Variants in ITPR2 observed in about 807,000 individuals in gnomAD.
ITPR2 encodes the protein inositol 1,4,5-trisphosphate-gated calcium channel ITPR2.
ITPR2 carries 207 observed loss-of-function variants against 317.1 expected under a neutral mutation model. The observed-to-expected ratio is 0.65, with a 90% confidence interval of 0.58 to 0.73. The LOEUF (loss-of-function observed/expected upper bound fraction) is 0.73. Among genes scored for constraint, ITPR2 ranks in the 30% least tolerant of loss-of-function variants. ITPR2 has a pLI of 0.00. For synonymous variants in ITPR2, 1,156 were observed against 1,149.1 expected, an observed-to-expected ratio of 1.01 and a Z score of -0.12; for missense variants, 2,613 against 3,284.0, an observed-to-expected ratio of 0.80 and a Z score of 4.99.
intron 37 of ITPR2, among the ~76,000 whole-genome samples, chr12:26,516,245 A>AGGAAAGGAAAGGAAAGGAAG (rs1943493018): frequency 3.4e-5 from 1 of 29,024 alleles, no homozygotes; most frequent in African/African-American, 1.0e-4. Flanking sequence ...AGGAAAGGAA[A>AGGAAAGGAAAGGAAAGGAAG]GGAAAGGAAA....
At chr12:26,698,940 T>C (rs1222731581) in intron 9 of ITPR2, among the ~76,000 whole-genome samples, 1 of 151,880 alleles carries the variant, frequency 6.6e-6, no homozygotes, top group African/African-American at 2.4e-5. Context: ...TCTATTTTAG[T>C]CAAGTTTCAC....
chr12:26,607,063 T>C (rs918730055), intron 26 of ITPR2, among the ~76,000 whole-genome samples: 10 of 152,236 alleles, frequency 6.6e-5, no homozygotes, highest in African/African-American at 2.4e-4. Flanking sequence ...TGCAGCTGCA[T>C]GATTAAAATA....
chr12:26,617,898 G>A (rs1946407688), intron 26 of ITPR2, among the ~76,000 whole-genome samples: 1 of 152,084 alleles, frequency 6.6e-6, no homozygotes, highest in African/African-American at 2.4e-5. Flanking sequence ...ATCTAGCAAT[G>A]TAAAAACAAA....
intron 23 of ITPR2, among the ~76,000 whole-genome samples, chr12:26,626,894 C>T (rs982715338): frequency 2.6e-5 from 4 of 152,134 alleles, no homozygotes; most frequent in Non-Finnish European, 4.4e-5. Flanking sequence ...TTCCATTAGC[C>T]GGCTAAATCT....
rs763302381 is a variant in ITPR2, at chr12:26,443,536, T to A, written c.6450+7A>T. On this transcript the variant is annotated splice_region_variant and intron_variant, in intron 46 of 56. Coordinates refer to ENST00000381340, the MANE Select transcript of ITPR2 (RefSeq NM_002223.4). ...TTGGTCTCTTTCAATAAATAATAGA[T>A]GGTTACCTCAATCTGTGCAGTGTGG... 5 of 1,592,636 alleles carry A rather than the reference T, an allele frequency of 3.1e-6. No homozygotes were observed. Among genetic ancestry groups the A allele is most frequent in the Non-Finnish European group, 4.3e-6 (5 of 1,162,156 alleles).
At chr12:26,736,790 A>G (rs1050790376) in intron 2 of ITPR2, among the ~76,000 whole-genome samples, 1 of 152,218 alleles carries the variant, frequency 6.6e-6, no homozygotes, top group South Asian at 2.1e-4. Context: ...CCTCAAACAG[A>G]GGAAGAAGGA....
chr12:26,715,239 C>T (rs1948716636), intron 8 of ITPR2, 60 bp downstream of exon 8: 1 of 1,402,022 alleles, frequency 7.1e-7, no homozygotes, highest in Non-Finnish European at 9.9e-7. Flanking sequence ...AACAACAAGC[C>T]CAGTGAATCT....
intron 37 of ITPR2, among the ~76,000 whole-genome samples, chr12:26,495,872 C>T (rs1942920682): frequency 6.6e-6 from 1 of 152,112 alleles, no homozygotes; most frequent in South Asian, 2.1e-4. Context: ...AAAAAATTAA[C>T]CTTGATAAAA....
At position 26,596,902 on chromosome 12, in the gene ITPR2, T is replaced by C; in HGVS notation, c.4235A>G (p.His1412Arg). 3 of 1,556,642 alleles carry C rather than the reference T, an allele frequency of 1.9e-6. No homozygotes were observed. The highest frequency in any genetic ancestry group is 2.6e-6 in the Non-Finnish European group (3 of 1,150,730). The change falls in exon 31 of 57, where the codon CAT (histidine) becomes CGT (arginine). Residue 1412 changes from histidine to arginine, a missense_variant. This residue lies in a region of ITPR2 where 926 missense variants were observed against 1,072.8 expected (regional missense o/e 0.86). Coordinates refer to ENST00000381340, the MANE Select transcript of ITPR2 (RefSeq NM_002223.4). ...PLDDIVRVVTHDDCIPEVKIA... is the reference protein window; with the variant it reads ...PLDDIVRVVTRDDCIPEVKIA... ...GCTTACCTCAGGGATGCAGTCGTCA[T>C]GGGTCACCACCCTCACTATGTCGTC...
At chr12:26,797,111 T>A (rs61920590) in intron 1 of ITPR2, among the ~76,000 whole-genome samples, 24,487 of 152,088 alleles carry the variant, frequency 0.16, 2,713 homozygotes, top group Non-Finnish European at 0.24. Flanking sequence ...GAATAAATTG[T>A]ACTGCATGCA....
Position 26,818,664 on chromosome 12 carries a change from C to A in ITPR2, c.92+14026G>T, listed in dbSNP as rs148176459. 7.8e-4 allele frequency among the ~76,000 whole-genome samples: 118 copies of A among 152,208 alleles called. 1 individual carries two copies. The highest frequency in any genetic ancestry group is 2.7e-3 in the African/African-American group (112 of 41,544). On this transcript the variant is annotated intron_variant, in intron 1 of 56. Coordinates refer to ENST00000381340, the MANE Select transcript of ITPR2 (RefSeq NM_002223.4). ...GTCACTTAATATTTATCATTCCTAG[C>A]CACAAGTATAGGACTCTGAGTACAA...
chr12:26,668,821 T>C (rs1357414403), intron 13 of ITPR2, among the ~76,000 whole-genome samples: 1 of 150,550 alleles, frequency 6.6e-6, no homozygotes, highest in African/African-American at 2.4e-5. Flanking sequence ...AAAAAAAATC[T>C]GAGAGATAAA....
chr12:26,661,269 T>TGGG (rs1332276817), intron 15 of ITPR2, among the ~76,000 whole-genome samples: 1 of 6,748 alleles, frequency 1.5e-4, no homozygotes, highest in Non-Finnish European at 2.5e-4. Flanking sequence ...GGTAGGGGTG[T>TGGG]GTGTGTGGGG....
At position 26,722,499 on chromosome 12, in the gene ITPR2, T is replaced by G. The variant is rs369678294; in HGVS notation, c.423A>C (p.Leu141Phe). The G allele has an allele frequency of 2.5e-6, 4 of 1,613,160 alleles. No individual in the cohort carries two copies. In the African/African-American group the frequency reaches 5.3e-5, roughly 22 times the overall value. ...YLTVNKRLPA[L>F]LEKNAMRVSL... ...ACACACGCATGGCATTCTTCTCCAGTAAAGCAGGTAATCTCTTGTTGACAG... is the reference window on the plus strand; with the variant it reads ...ACACACGCATGGCATTCTTCTCCAGGAAAGCAGGTAATCTCTTGTTGACAG... The change falls in exon 5 of 57, where the codon TTA (leucine) becomes TTC (phenylalanine). Residue 141 changes from leucine to phenylalanine, a missense_variant. By Grantham distance (22) the Leu-to-Phe change is conservative. Coordinates refer to ENST00000381340, the MANE Select transcript of ITPR2 (RefSeq NM_002223.4).
At position 26,715,430 on chromosome 12, in the gene ITPR2, A is replaced by G. The variant is rs1240740367; in HGVS notation, c.724T>C (p.Leu242=). The change falls in exon 8 of 57, where the codon TTA becomes CTA. Residue 242 remains leucine (L), a synonymous_variant. Transcript: ENST00000381340. ...DVLKGGDVVR[L]FHAEQEKFLT... is the part of the protein sequence containing the mutation. Reference sequence around the variant, plus strand: ...AACTTCTCTTGTTCCGCATGAAATAATCTAACAACGTCCCCCTAGCAAAAA... The same window carrying G: ...AACTTCTCTTGTTCCGCATGAAATAGTCTAACAACGTCCCCCTAGCAAAAA... The G allele has an allele frequency of 6.2e-7, 1 of 1,613,000 alleles. No individual in the cohort carries two copies. Among genetic ancestry groups the G allele is most frequent in the Non-Finnish European group, 8.5e-7 (1 of 1,179,496 alleles).
intron 2 of ITPR2, among the ~76,000 whole-genome samples, chr12:26,731,991 A>G (rs1034511078): frequency 2.0e-5 from 3 of 151,340 alleles, no homozygotes; most frequent in Non-Finnish European, 4.4e-5. Context: ...AATGTGTTTT[A>G]AGAACACAAA....
chr12:26,795,797 A>G (rs1950426543), intron 1 of ITPR2, among the ~76,000 whole-genome samples: 1 of 152,182 alleles, frequency 6.6e-6, no homozygotes, highest in African/African-American at 2.4e-5. Context: ...CAGCATGGTC[A>G]ATATAGCAAA....
chr12:26,763,553 G>T (rs544128824), intron 2 of ITPR2, among the ~76,000 whole-genome samples: 2 of 152,180 alleles, frequency 1.3e-5, no homozygotes, highest in South Asian at 4.1e-4. Flanking sequence ...TGGTGAAACG[G>T]GGGCTTCTAA....
chr12:26,592,246 A>T (rs559056815), intron 32 of ITPR2, among the ~76,000 whole-genome samples: 1 of 152,226 alleles, frequency 6.6e-6, no homozygotes, highest in African/African-American at 2.4e-5. Context: ...GATGGTTACT[A>T]GAGGCTAGGA....
Sources: gnomAD v4.1 joint callset for allele counts (sites outside exome capture counted in the v4.1 genomes callset) on GRCh38, gnomAD v4.1.1 for gene constraint, gnomAD v4.1.1 regional missense constraint, MANE v1.5 for transcripts, NCBI Gene and HGNC (gene_info 2026-07-23, HGNC 2026-07-21) for gene names.